NUDC: variants seen among roughly 807,000 people sequenced by gnomAD.
NUDC encodes the protein nuclear migration protein nudC.
Under a neutral mutation model 45.0 loss-of-function variants are expected in NUDC, and 14 were observed. That is an observed-to-expected ratio of 0.31 (90% CI 0.21 to 0.49). The LOEUF (loss-of-function observed/expected upper bound fraction) is 0.49. Among genes scored for constraint, NUDC ranks in the 20% least tolerant of loss-of-function variants. The probability of loss-of-function intolerance (pLI) is 0.99; values close to 1 mark genes in which losing one functional copy is unlikely to be tolerated. For missense variants in NUDC, 323 were observed against 426.2 expected (o/e 0.76, Z 2.13); for synonymous variants, 153 against 156.7 (o/e 0.98, Z 0.17).
At chr1:26,943,834 CAT>C (rs950860948) in intron 6 of NUDC, among the ~76,000 whole-genome samples, 2 of 152,116 alleles carry the variant, frequency 1.3e-5, no homozygotes, top group Non-Finnish European at 2.9e-5. Context: ...TCCCAGGGCA[CAT>C]AAGACCCTGT....
Position 26,912,098 on chromosome 1 carries a change from G to A in NUDC, c.93+863G>A, listed in dbSNP as rs1557666514. On this transcript the variant is annotated intron_variant, in intron 3 of 6. Transcript: ENST00000435827. ...GAGGCCTGGCACATCTGTGGGCAGA[G>A]AGGGAGAAGAGGGCTGGTGAGCACC... 3.1e-6 allele frequency: 5 copies of A among 1,612,804 alleles called. No homozygotes were observed. The South Asian group carries it at 5.5e-5, about 18-fold the overall frequency.
chr1:26,941,575 A>C lies in NUDC; in HGVS notation c.278A>C (p.Lys93Thr). The change falls in exon 3 of 9, where the codon AAG (lysine) becomes ACG (threonine). Residue 93 changes from lysine to threonine, a missense_variant. By Grantham distance (78) the Lys-to-Thr change is moderately conservative (BLOSUM62 -1). This residue lies in a region of NUDC where 245 missense variants were observed against 278.8 expected (regional missense o/e 0.88). Transcript: ENST00000321265. ...GCGGAGCGGGCGGCCAGACTGGCCA[A>C]GGAAGCCAAGTCAGAGACCTCAGGG... ...EKAERAARLA[K>T]EAKSETSGPQ... 1 of 1,612,038 alleles carries C rather than the reference A, an allele frequency of 6.2e-7. No homozygotes were observed. Among genetic ancestry groups the C allele is most frequent in the Non-Finnish European group, 8.5e-7 (1 of 1,179,210 alleles).
chr1:26,900,476 C>A (rs1003280455), intron 1 of NUDC: 3 of 1,551,180 alleles, frequency 1.9e-6, no homozygotes, highest in African/African-American at 1.4e-5. Context: ...AGAACCAAGT[C>A]TCGCGAGAAC....
chr1:26,921,845 C>T lies in NUDC; in HGVS notation c.-4C>T. 6.4e-7 allele frequency: 1 copy of T among 1,551,770 alleles called. No homozygotes were observed. The highest frequency in any genetic ancestry group is 8.7e-7 in the Non-Finnish European group (1 of 1,147,712). ...GCTCCGGGACGTGGATCGGAGCCGG[C>T]GCGATGGGCGGAGAGCAGGAGGAGG... On this transcript the variant is annotated 5_prime_UTR_variant, in exon 1 of 9. Transcript: ENST00000321265.
chr1:26,943,996 G>C (rs1013879100), intron 6 of NUDC, among the ~76,000 whole-genome samples: 2 of 151,782 alleles, frequency 1.3e-5, no homozygotes, highest in Admixed American at 6.6e-5. Flanking sequence ...TCCTGCTTCA[G>C]CCTCCAGTGT....
In NUDC at chr1:26,942,963, G is replaced by C; in HGVS notation, c.639G>C (p.Gly213=). Residue 213 remains glycine, a synonymous_variant, in exon 6 of 9, where the codon GGG becomes GGC. Transcript: ENST00000321265. ...QRRHLRVGLK[G]QPAIIDGELY... Reference sequence around the variant, plus strand: ...GGCACCTCCGGGTGGGGCTCAAGGGGCAGCCAGCGATCATTGATGGGGAGC... The same window carrying C: ...GGCACCTCCGGGTGGGGCTCAAGGGCCAGCCAGCGATCATTGATGGGGAGC... 1 of 1,614,150 alleles carries C rather than the reference G, an allele frequency of 6.2e-7. No homozygotes were observed. Among genetic ancestry groups the C allele is most frequent in the Non-Finnish European group, 8.5e-7 (1 of 1,180,024 alleles).
intron 2 of NUDC, among the ~76,000 whole-genome samples, chr1:26,934,240 T>C (rs1405932404): frequency 6.6e-6 from 1 of 152,186 alleles, no homozygotes; most frequent in Non-Finnish European, 1.5e-5. Flanking sequence ...AGAAGGCATT[T>C]CTTCACAGAT....
At chr1:26,929,413 CA>C (rs59479684) in intron 2 of NUDC, among the ~76,000 whole-genome samples, 15,295 of 130,714 alleles carry the variant, frequency 0.12, 935 homozygotes, top group African/African-American at 0.2. Context: ...TCTGAAAAAA[CA>C]AAAAAAAAAA....
intron 2 of NUDC, chr1:26,929,584 A>G (rs1014880432): frequency 1.1e-4 from 24 of 214,124 alleles, no homozygotes; most frequent in African/African-American, 5.3e-4. Context: ...CATCCTCGGA[A>G]ATTAGTGTTG....
At chr1:26,931,547 G>A (rs540391871) in intron 2 of NUDC, among the ~76,000 whole-genome samples, 4 of 150,054 alleles carry the variant, frequency 2.7e-5, no homozygotes, top group South Asian at 2.1e-4. Flanking sequence ...TTGGGAGGCC[G>A]AGGTGGGCGG....
intron 2 of NUDC, among the ~76,000 whole-genome samples, chr1:26,931,775 C>CA (rs1234241332): frequency 4.4e-4 from 60 of 136,170 alleles, no homozygotes; most frequent in East Asian, 1.1e-3. Flanking sequence ...GACTCCATCT[C>CA]AAAAAAAAAA....
At chr1:26,940,836 C>A (rs1439910096) in intron 2 of NUDC, among the ~76,000 whole-genome samples, 1 of 152,176 alleles carries the variant, frequency 6.6e-6, no homozygotes. Flanking sequence ...CAGGCGCACG[C>A]CACCGCGCCT....
At chr1:26,926,089 T>C (rs1001352328) in intron 2 of NUDC, among the ~76,000 whole-genome samples, 2 of 150,994 alleles carry the variant, frequency 1.3e-5, no homozygotes, top group Non-Finnish European at 2.9e-5. Context: ...CGATCTTGGC[T>C]CACTGCAATG....
rs2082112639 is a variant in NUDC at position 26,924,139 on chromosome 1, T to TGGA, written c.137_139dup (p.Gly46dup). 3 of 1,614,076 alleles carry TGGA rather than the reference T, an allele frequency of 1.9e-6. No homozygotes were observed. The East Asian group carries it at 6.7e-5, about 36-fold the overall frequency. ...TTCGACGCAAAACAGACTTTTTCATTGGAGGAGAAGAAGGGATGGCAGAGA... is the reference window on the plus strand; with the variant it reads ...TTCGACGCAAAACAGACTTTTTCATTGGAGGAGGAGAAGAAGGGATGGCAGAGA... On this transcript the variant is annotated inframe_insertion, in exon 2 of 9. Transcript: ENST00000321265.
chr1:26,911,734 G>A (rs2082027704), intron 3 of NUDC: 15 of 1,295,438 alleles, frequency 1.2e-5, no homozygotes, highest in Non-Finnish European at 1.7e-5. Flanking sequence ...GCCAAGTGCT[G>A]TCTATACAGG....
chr1:26,921,854 C>T lies in NUDC; in HGVS notation c.6C>T (p.Gly2=). The part of the protein sequence containing the change: M[G]GEQEEERFDG... ...CGTGGATCGGAGCCGGCGCGATGGG[C>T]GGAGAGCAGGAGGAGGAGCGGTTCG... is the stretch of plus-strand genomic sequence containing the variant. Residue 2 remains glycine, a synonymous_variant, in exon 1 of 9, where the codon GGC becomes GGT. Coordinates refer to ENST00000321265, the MANE Select transcript of NUDC (RefSeq NM_006600.4). 6.4e-7 allele frequency: 1 copy of T among 1,552,870 alleles called. No homozygotes were observed. The highest frequency in any genetic ancestry group is 1.4e-5 in the African/African-American group (1 of 73,352).
At chr1:26,919,030 G>A (rs557558197), upstream of NUDC, among the ~76,000 whole-genome samples, 3 of 151,830 alleles carry the variant, frequency 2.0e-5, no homozygotes, top group South Asian at 2.1e-4. Flanking sequence ...CACTTGCCTC[G>A]GCCTCCTAAA....
At chr1:26,929,953 G>T (rs2082167005) in intron 2 of NUDC, among the ~76,000 whole-genome samples, 1 of 152,138 alleles carries the variant, frequency 6.6e-6, no homozygotes, top group South Asian at 2.1e-4. Flanking sequence ...GAACCCAGGA[G>T]GCGGAGGTTT....
intron 4 of NUDC, 115 bp from the exon 5 acceptor site, chr1:26,942,545 G>T (rs1570745809): frequency 6.8e-7 from 1 of 1,479,362 alleles, no homozygotes; most frequent in Non-Finnish European, 9.4e-7. Flanking sequence ...CAGGGACCAG[G>T]TCTGTTTTCT....
Sources: gnomAD v4.1 joint callset for allele counts (sites outside exome capture counted in the v4.1 genomes callset) on GRCh38, gnomAD v4.1.1 for gene constraint, gnomAD v4.1.1 regional missense constraint, MANE v1.5 for transcripts, NCBI Gene and HGNC (gene_info 2026-07-23, HGNC 2026-07-21) for gene names.